The following LSAMP variants were observed in gnomAD, a reference collection of about 807,000 sequenced individuals.
LSAMP encodes limbic system associated membrane protein, also known as limbic system-associated membrane protein.
LSAMP carries 7 observed loss-of-function variants against 38.6 expected under a neutral mutation model. That is an observed-to-expected ratio of 0.18 (90% CI 0.10 to 0.34). LSAMP has a LOEUF of 0.34. Among genes scored for constraint, LSAMP ranks in the 10% least tolerant of loss-of-function variants. The pLI, the probability that LSAMP is intolerant of heterozygous loss-of-function variation, is 1.00. For synonymous variants in LSAMP, 154 were observed against 166.8 expected (o/e 0.92, Z 0.59); for missense variants, 313 against 420.0 (o/e 0.75, Z 2.23).
intron 1 of LSAMP, among the ~76,000 whole-genome samples, chr3:116,309,907 C>T (rs1266854046): frequency 6.6e-6 from 1 of 152,082 alleles, no homozygotes; most frequent in Non-Finnish European, 1.5e-5. Context: ...AGTATTGCTG[C>T]CCTTGTTTTT....
chr3:115,908,267 A>C (rs887941430), intron 3 of LSAMP, among the ~76,000 whole-genome samples: 3 of 152,078 alleles, frequency 2.0e-5, no homozygotes, highest in African/African-American at 7.2e-5. Context: ...TGTCACTGAA[A>C]ACCTACCCCT....
chr3:116,208,011 C>T (rs1451073088), intron 1 of LSAMP, among the ~76,000 whole-genome samples: 1 of 149,640 alleles, frequency 6.7e-6, no homozygotes, highest in Non-Finnish European at 1.5e-5. Context: ...AACTTGGTTC[C>T]ATTCTCCCCA....
At position 116,191,228 on chromosome 3, in the gene LSAMP, A is replaced by T. The variant is rs72945912; in HGVS notation, c.156-104672T>A. The stretch of plus-strand genomic sequence containing the variant: ...ATAGTGCAAGACTCTGTCTCAAAAC[A>T]AACAAACAAACAAACAAAACGAATG... On this transcript the variant is annotated intron_variant, in intron 1 of 6. Coordinates refer to ENST00000490035, the MANE Select transcript of LSAMP (RefSeq NM_002338.5). Among the ~76,000 whole-genome samples the T allele has an allele frequency of 1.7e-3, 264 of 152,216 alleles. 2 individuals carry two copies. Among genetic ancestry groups the T allele is most frequent in the African/African-American group, 6.0e-3 (249 of 41,548 alleles).
intron 3 of LSAMP, among the ~76,000 whole-genome samples, chr3:115,999,776 C>T (rs1009693678): frequency 2.6e-5 from 4 of 152,124 alleles, no homozygotes; most frequent in Non-Finnish European, 5.9e-5. Context: ...GAGGCTGCCT[C>T]GGGCTCTCAT....
intron 3 of LSAMP, among the ~76,000 whole-genome samples, chr3:115,891,844 A>T (rs1017122881): frequency 6.6e-6 from 1 of 151,968 alleles, no homozygotes. Context: ...GGCTTCGGTT[A>T]TCTTGGGAAT....
intron 2 of LSAMP, among the ~76,000 whole-genome samples, chr3:116,049,527 G>A (rs1408500274): frequency 7.9e-5 from 12 of 152,166 alleles, no homozygotes; most frequent in East Asian, 5.8e-4. Context: ...TTACAATGGC[G>A]ATTACAATAG....
chr3:115,994,280 A>T (rs1939754460), intron 3 of LSAMP, among the ~76,000 whole-genome samples: 2 of 152,044 alleles, frequency 1.3e-5, no homozygotes, highest in Non-Finnish European at 2.9e-5. Flanking sequence ...TGAGTCTACC[A>T]CCTGGGGATT....
chr3:116,332,629 A>T (rs2047865713), intron 1 of LSAMP, among the ~76,000 whole-genome samples: 1 of 152,160 alleles, frequency 6.6e-6, no homozygotes, highest in Non-Finnish European at 1.5e-5. Flanking sequence ...AGATAGAAGT[A>T]AATCTGTTCC....
At chr3:115,862,008 CTT>C (rs1935718734) in intron 3 of LSAMP, among the ~76,000 whole-genome samples, 1 of 152,186 alleles carries the variant, frequency 6.6e-6, no homozygotes, top group Non-Finnish European at 1.5e-5. Context: ...GCCCCATATA[CTT>C]AAAAGAGTCC....
intron 1 of LSAMP, among the ~76,000 whole-genome samples, chr3:116,257,716 C>T (rs142768742): frequency 1.1e-3 from 173 of 152,166 alleles, no homozygotes; most frequent in African/African-American, 3.4e-3. Context: ...ATGACCTTCA[C>T]GGAAATTTCT....
At position 116,105,849 on chromosome 3, in the gene LSAMP, C is replaced by T. The variant is rs536731027; in HGVS notation, c.156-19293G>A. Among the ~76,000 whole-genome samples, 34 of 151,874 alleles carry T rather than the reference C, an allele frequency of 2.2e-4. No homozygotes were observed. In the East Asian group the frequency reaches 4.1e-3, roughly 18 times the overall value. On this transcript the variant is annotated intron_variant, in intron 1 of 6. Coordinates refer to ENST00000490035, the MANE Select transcript of LSAMP (RefSeq NM_002338.5). ...ACAAAATAGTGTTGAAGTGTTGGGG[C>T]GGCAAAAATTTTTGGGGGGTGGTAT...
intron 1 of LSAMP, among the ~76,000 whole-genome samples, chr3:116,387,010 T>C (rs971060169): frequency 6.6e-6 from 1 of 152,118 alleles, no homozygotes; most frequent in Non-Finnish European, 1.5e-5. Flanking sequence ...TTATCTTATA[T>C]AGAGAGTCAA....
chr3:116,254,237 G>A (rs1257110490), intron 1 of LSAMP, among the ~76,000 whole-genome samples: 2 of 152,088 alleles, frequency 1.3e-5, no homozygotes, highest in Non-Finnish European at 2.9e-5. Context: ...CTATTAGTCT[G>A]TCCACAAATT....
intron 2 of LSAMP, among the ~76,000 whole-genome samples, chr3:116,056,108 T>C (rs1941486485): frequency 1.3e-5 from 2 of 152,330 alleles, no homozygotes; most frequent in South Asian, 2.1e-4. Context: ...CCCACTCTGA[T>C]ATTAATTTTA....
At chr3:115,911,667 A>G (rs565005694) in intron 3 of LSAMP, among the ~76,000 whole-genome samples, 250 of 152,322 alleles carry the variant, frequency 1.6e-3, no homozygotes, top group African/African-American at 5.8e-3. Flanking sequence ...TTGTGTGACC[A>G]TAACTCTCTC....
chr3:116,421,673 C>A (rs971068408), intron 1 of LSAMP, among the ~76,000 whole-genome samples: 2 of 151,696 alleles, frequency 1.3e-5, no homozygotes, highest in East Asian at 1.9e-4. Flanking sequence ...CTGATAAGTA[C>A]AAGAAAAAAT....
intron 1 of LSAMP, among the ~76,000 whole-genome samples, chr3:116,181,446 A>G (rs926211715): frequency 3.3e-5 from 5 of 149,518 alleles, no homozygotes; most frequent in Non-Finnish European, 7.5e-5. Flanking sequence ...AACTGACACA[A>G]TTATTTTAAA....
intron 6 of LSAMP, among the ~76,000 whole-genome samples, chr3:115,840,295 AG>A (rs2107501257): frequency 6.6e-6 from 1 of 152,236 alleles, no homozygotes; most frequent in South Asian, 2.1e-4. Context: ...CTGCTTAACC[AG>A]GTCAACTCAG....
intron 3 of LSAMP, among the ~76,000 whole-genome samples, chr3:116,012,439 A>T (rs1940357286): frequency 6.6e-6 from 1 of 152,186 alleles, no homozygotes; most frequent in African/African-American, 2.4e-5. Flanking sequence ...GGTTCTATAT[A>T]GCTACAGTTA....
Sources: allele counts gnomAD v4.1 joint callset (sites outside exome capture counted in the v4.1 genomes callset), GRCh38; gene constraint gnomAD v4.1.1; transcripts MANE v1.5; gene names NCBI Gene and HGNC (gene_info 2026-07-23, HGNC 2026-07-21).